The following GPHN variants were observed in gnomAD, a reference collection of about 807,000 sequenced individuals.
GPHN encodes gephyrin.
In GPHN, 17 loss-of-function variants were observed where a neutral mutation model predicts 95.5. That is an observed-to-expected ratio of 0.18 (90% confidence interval 0.12 to 0.27). The LOEUF (loss-of-function observed/expected upper bound fraction) is 0.27. GPHN is among the 10% of genes least tolerant of loss of function. The pLI, the probability that GPHN is intolerant of heterozygous loss-of-function variation, is 1.00. For synonymous variants in GPHN, 320 were observed against 322.5 expected (o/e 0.99, Z 0.08); for missense variants, 660 against 978.1 (o/e 0.67, Z 4.34).
At chr14:66,537,529 C>T (rs931833273) in intron 1 of GPHN, among the ~76,000 whole-genome samples, 1 of 151,946 alleles carries the variant, frequency 6.6e-6, no homozygotes, top group Admixed American at 6.6e-5. Flanking sequence ...TCCCTCCTGC[C>T]CTTTGTGCTA....
the GPHN span, among the ~76,000 whole-genome samples, chr14:67,206,142 C>CCA: frequency 6.6e-6 from 1 of 152,020 alleles, no homozygotes; most frequent in African/African-American, 2.4e-5. Context: ...CGAGATCATG[C>CCA]CACTGCTCTG....
chr14:67,014,573 G>A (rs2073196416), intron 9 of GPHN, among the ~76,000 whole-genome samples: 1 of 152,178 alleles, frequency 6.6e-6, no homozygotes, highest in Non-Finnish European at 1.5e-5. Context: ...GGTTAGAAAG[G>A]TGGAGTGATT....
At chr14:67,561,781 G>T in the GPHN span, among the ~76,000 whole-genome samples, 702 of 151,166 alleles carry the variant, frequency 4.6e-3, 8 homozygotes, top group Non-Finnish European at 6.6e-3. Context: ...GAGGTGGGAG[G>T]ATCAGTTGGG....
chr14:66,708,847 G>A (rs1391159381), intron 2 of GPHN, among the ~76,000 whole-genome samples: 2 of 151,950 alleles, frequency 1.3e-5, no homozygotes, highest in Non-Finnish European at 2.9e-5. Context: ...CAGCAAGTAC[G>A]GAGCTCAAAA....
the GPHN span, chr14:67,733,727 G>A: frequency 1.9e-5 from 30 of 1,555,964 alleles, no homozygotes; most frequent in Admixed American, 3.3e-5. Context: ...GGAATTTACT[G>A]TCTTTCTCTG....
intron 1 of GPHN, among the ~76,000 whole-genome samples, chr14:66,678,775 T>G (rs1486167294): frequency 6.6e-6 from 1 of 151,912 alleles, no homozygotes; most frequent in East Asian, 1.9e-4. Flanking sequence ...TTGGGTAGAG[T>G]GTTTTGGCTT....
chr14:67,067,136 G>A (rs2153654724), intron 11 of GPHN, among the ~76,000 whole-genome samples: 1 of 152,232 alleles, frequency 6.6e-6, no homozygotes, highest in South Asian at 2.1e-4. Flanking sequence ...CCTTTTTGTT[G>A]ATGGTGATGC....
the GPHN span, among the ~76,000 whole-genome samples, chr14:67,481,571 G>A: frequency 2.6e-5 from 4 of 152,220 alleles, no homozygotes; most frequent in African/African-American, 9.7e-5. Context: ...AGCTCCCAGT[G>A]TGGTGGGGAA....
the GPHN span, among the ~76,000 whole-genome samples, chr14:67,707,965 A>G: frequency 1.3e-5 from 2 of 152,338 alleles, no homozygotes; most frequent in South Asian, 2.1e-4. Context: ...GGGAAAGCAC[A>G]CCATTCCAGT....
intron 5 of GPHN, among the ~76,000 whole-genome samples, chr14:66,882,688 T>C (rs1034247535): frequency 2.0e-5 from 3 of 151,880 alleles, no homozygotes; most frequent in South Asian, 4.1e-4. Context: ...AACTCTTAAG[T>C]GATGACCATG....
the GPHN span, chr14:67,578,298 C>T: frequency 5.5e-6 from 6 of 1,087,806 alleles, no homozygotes; most frequent in Non-Finnish European, 8.2e-6. This position sits in a 1 kb window ranked among gnomAD's most constrained non-coding sequence, Gnocchi z 5.0. Context: ...TACGGTGAGC[C>T]CAGCCAGCGG....
chr14:66,579,882 C>G (rs140491164), intron 1 of GPHN, among the ~76,000 whole-genome samples: 146 of 151,872 alleles, frequency 9.6e-4, no homozygotes, highest in Non-Finnish European at 1.7e-3. Flanking sequence ...ACCTAACAAA[C>G]GTATATCAGA....
At chr14:67,095,600 T>TA (rs547654332) in intron 12 of GPHN, among the ~76,000 whole-genome samples, 1 of 152,030 alleles carries the variant, frequency 6.6e-6, no homozygotes, top group East Asian at 1.9e-4. Context: ...TATGCAGCCA[T>TA]AAAAAACGAT....
chr14:66,542,772 CAATGACTCT>C (rs2059401413), intron 1 of GPHN, among the ~76,000 whole-genome samples: 1 of 152,210 alleles, frequency 6.6e-6, no homozygotes, highest in Non-Finnish European at 1.5e-5. Context: ...TATCTGTGCT[CAATGACTCT>C]AATTTCTTTC....
At chr14:66,784,535 G>T (rs943237607) in intron 3 of GPHN, among the ~76,000 whole-genome samples, 14 of 152,124 alleles carry the variant, frequency 9.2e-5, no homozygotes, top group Admixed American at 9.2e-4. Flanking sequence ...CAGTTATACT[G>T]TATAATATGG....
intron 1 of GPHN, among the ~76,000 whole-genome samples, chr14:66,508,844 C>T (rs903872012): frequency 1.3e-5 from 2 of 152,156 alleles, no homozygotes; most frequent in African/African-American, 4.8e-5. Context: ...GAAGCAAAGT[C>T]CTGGGCCCCC....
chr14:67,481,236 T>C, the GPHN span, among the ~76,000 whole-genome samples: 1 of 152,102 alleles, frequency 6.6e-6, no homozygotes, highest in Non-Finnish European at 1.5e-5. Context: ...TGAGCTATGA[T>C]TGTGCCACTG....
the GPHN span, chr14:67,575,463 T>C: frequency 1.2e-6 from 2 of 1,600,844 alleles, no homozygotes; most frequent in South Asian, 2.3e-5. Flanking sequence ...ATCGGAGCCA[T>C]GAGGACAAGG....
At chr14:67,003,053 T>G (rs1237764153) in intron 9 of GPHN, among the ~76,000 whole-genome samples, 1 of 151,610 alleles carries the variant, frequency 6.6e-6, no homozygotes, top group African/African-American at 2.4e-5. Context: ...AATGTCTTTC[T>G]TTTCATTCTG....
Sources: gnomAD v4.1 joint callset for allele counts (sites outside exome capture counted in the v4.1 genomes callset) on GRCh38, gnomAD v4.1.1 for gene constraint, Gnocchi (gnomAD v3.1) non-coding constraint, MANE v1.5 for transcripts, NCBI Gene and HGNC (gene_info 2026-07-23, HGNC 2026-07-21) for gene names.